Variants in GRIK1 observed in about 807,000 individuals in gnomAD.
GRIK1 encodes glutamate ionotropic receptor kainate type subunit 1.
In GRIK1, 69 loss-of-function variants were observed where a neutral mutation model predicts 105.7. The ratio of observed to expected loss-of-function variants is 0.65; its 90% CI spans 0.54 to 0.80. The LOEUF (loss-of-function observed/expected upper bound fraction) is 0.80, where lower values mean the gene tolerates loss of function less well. GRIK1 is among the 30% of genes least tolerant of loss of function. The pLI, the probability that GRIK1 is intolerant of heterozygous loss-of-function variation, is 0.00. For synonymous variants in GRIK1, 438 were observed against 431.3 expected, an observed-to-expected ratio of 1.02 and a Z score of -0.19; for missense variants, 1,109 against 1,167.3, an observed-to-expected ratio of 0.95 and a Z score of 0.73.
At position 29,718,480 on chromosome 21, in the gene GRIK1, G is replaced by T. The variant is rs922636090; in HGVS notation, c.119-24417C>A. On this transcript the variant is annotated intron_variant, in intron 1 of 17. Transcript: ENST00000327783. ...AATACATCATGAGAATGTATCAAAA[G>T]GTATGAACCAGATTTGCTGTTGCTT... Among the ~76,000 whole-genome samples, 8 of 152,264 alleles carry T rather than the reference G, an allele frequency of 5.3e-5. No individual in the cohort carries two copies. In the East Asian group the frequency reaches 5.8e-4, roughly 11 times the overall value.
chr21:29,540,356 GCAAA>G (rs751997110), intron 16 of GRIK1, among the ~76,000 whole-genome samples: 3 of 152,140 alleles, frequency 2.0e-5, no homozygotes, highest in East Asian at 1.9e-4. Context: ...GTCTTTGGTT[GCAAA>G]CAATGATTTC....
chr21:29,635,287 T>G (rs1457989084), intron 7 of GRIK1, among the ~76,000 whole-genome samples: 1 of 152,182 alleles, frequency 6.6e-6, no homozygotes, highest in East Asian at 1.9e-4. Context: ...GGAAGTGTTC[T>G]CCAGAGATGG....
intron 1 of GRIK1, among the ~76,000 whole-genome samples, chr21:29,888,875 A>T (rs1015415700): frequency 6.6e-6 from 1 of 152,066 alleles, no homozygotes; most frequent in African/African-American, 2.4e-5. Flanking sequence ...TTTGAAGAAC[A>T]GGTGGTTGTC....
rs562297318 is a variant in GRIK1, at chr21:29,738,287, A to G, written c.119-44224T>C. On this transcript the variant is annotated intron_variant, in intron 1 of 17. Coordinates refer to ENST00000327783, the MANE Select transcript of GRIK1 (RefSeq NM_001330994.2). ...TGTGCTCACGAACACTCATATGTGT[A>G]TATGCATGCATTTCTCTTATAAAGC... is the stretch of plus-strand genomic sequence containing the variant. Among the ~76,000 whole-genome samples the G allele has an allele frequency of 7.9e-5, 12 of 152,366 alleles. No homozygotes were observed. The South Asian group carries it at 2.5e-3, about 32-fold the overall frequency.
At chr21:29,764,845 T>A (rs964273006) in intron 1 of GRIK1, among the ~76,000 whole-genome samples, 1 of 152,134 alleles carries the variant, frequency 6.6e-6, no homozygotes, top group Non-Finnish European at 1.5e-5. Flanking sequence ...GTGAATAAAC[T>A]TCACCTTATC....
At chr21:29,750,278 T>A (rs565611017) in intron 1 of GRIK1, among the ~76,000 whole-genome samples, 2 of 140,890 alleles carry the variant, frequency 1.4e-5, no homozygotes, top group Non-Finnish European at 3.1e-5. Context: ...CCTTTATTCC[T>A]TCCTTCCTTG....
At chr21:29,662,829 T>C (rs2062990233) in intron 4 of GRIK1, among the ~76,000 whole-genome samples, 1 of 152,188 alleles carries the variant, frequency 6.6e-6, no homozygotes, top group South Asian at 2.1e-4. Context: ...AAGAAACTTC[T>C]CCAAAATACC....
chr21:29,773,478 A>G (rs1219289301), intron 1 of GRIK1, among the ~76,000 whole-genome samples: 2 of 152,088 alleles, frequency 1.3e-5, no homozygotes, highest in Admixed American at 1.3e-4. Flanking sequence ...TCTTCTTGAC[A>G]TATGTCTACC....
intron 1 of GRIK1, among the ~76,000 whole-genome samples, chr21:29,734,812 A>G (rs989324398): frequency 1.9e-4 from 29 of 152,046 alleles, no homozygotes; most frequent in African/African-American, 6.8e-4. Flanking sequence ...TCTGTTTCCT[A>G]CTAATTCCCC....
At chr21:29,870,074 T>C (rs469148) in intron 1 of GRIK1, among the ~76,000 whole-genome samples, 87,172 of 151,998 alleles carry the variant, frequency 0.57, 28,567 homozygotes, top group Non-Finnish European at 0.74. Flanking sequence ...GACATGCTTA[T>C]ACTAAAAAGT....
chr21:29,545,295 T>G (rs2090033633), intron 16 of GRIK1, among the ~76,000 whole-genome samples: 1 of 152,170 alleles, frequency 6.6e-6, no homozygotes, highest in African/African-American at 2.4e-5. Flanking sequence ...GGCAGAAATG[T>G]GGGTTTGTCC....
chr21:29,762,107 G>A lies in GRIK1; in HGVS notation c.119-68044C>T, dbSNP rs2065541810. On this transcript the variant is annotated intron_variant, in intron 1 of 17. Transcript: ENST00000327783. ...GTGCAGTACAGTATTTTTTCCACAT[G>A]GCAATTTTTGAAACTTGGAGATTTT... Among the ~76,000 whole-genome samples the A allele has an allele frequency of 2.6e-5, 4 of 152,152 alleles. No homozygotes were observed. In the South Asian group the frequency reaches 8.3e-4, roughly 31 times the overall value.
intron 1 of GRIK1, among the ~76,000 whole-genome samples, chr21:29,925,777 T>TC (rs1312103627): frequency 1.3e-5 from 2 of 152,210 alleles, no homozygotes; most frequent in African/African-American, 4.8e-5. Flanking sequence ...AATCTCAAAG[T>TC]CCCAAATGGT....
intron 7 of GRIK1, among the ~76,000 whole-genome samples, chr21:29,636,291 T>C (rs541553809): frequency 6.6e-6 from 1 of 152,250 alleles, no homozygotes; most frequent in South Asian, 2.1e-4. Flanking sequence ...AGGCTGTGCT[T>C]TAACATAAGG....
chr21:29,918,405 C>T (rs566590613), intron 1 of GRIK1, among the ~76,000 whole-genome samples: 3 of 152,082 alleles, frequency 2.0e-5, no homozygotes, highest in African/African-American at 7.2e-5. Context: ...AAAATTGATG[C>T]TAAGAGAGGC....
intron 1 of GRIK1, among the ~76,000 whole-genome samples, chr21:29,878,724 C>T (rs1343539635): frequency 2.0e-5 from 3 of 152,124 alleles, no homozygotes; most frequent in African/African-American, 4.8e-5. Context: ...CCTTCCATCA[C>T]ATGAAGACAC....
At chr21:29,915,216 T>C (rs190140425) in intron 1 of GRIK1, among the ~76,000 whole-genome samples, 1 of 151,770 alleles carries the variant, frequency 6.6e-6, no homozygotes, top group East Asian at 1.9e-4. Flanking sequence ...ACACACACCT[T>C]CCTTCCTTAT....
At chr21:29,710,447 A>C (rs912704871) in intron 1 of GRIK1, among the ~76,000 whole-genome samples, 7 of 152,124 alleles carry the variant, frequency 4.6e-5, no homozygotes, top group African/African-American at 1.7e-4. Flanking sequence ...ATTCAGCTTA[A>C]AAAAACTAAT....
intron 3 of GRIK1, among the ~76,000 whole-genome samples, chr21:29,678,037 TG>T (rs1239529552): frequency 6.6e-6 from 1 of 152,248 alleles, no homozygotes; most frequent in Admixed American, 6.5e-5. Flanking sequence ...TCCAATTTCC[TG>T]TTTGTTAAAC....
Sources: gnomAD v4.1 joint callset for allele counts (sites outside exome capture counted in the v4.1 genomes callset) on GRCh38, gnomAD v4.1.1 for gene constraint, MANE v1.5 for transcripts, NCBI Gene and HGNC (gene_info 2026-07-23, HGNC 2026-07-21) for gene names.